The following PCDHA6 variants were observed in gnomAD, a reference collection of about 807,000 sequenced individuals.
The protein encoded by PCDHA6 is protocadherin alpha 6, also known as protocadherin alpha-6.
PCDHA6 carries 55 observed loss-of-function variants against 60.3 expected under a neutral mutation model. That is an observed-to-expected ratio of 0.91 (90% confidence interval 0.73 to 1.14). The LOEUF is 1.14. Among genes scored for constraint, PCDHA6 ranks in the 50% most tolerant of loss-of-function variants. The pLI, the probability that PCDHA6 is intolerant of heterozygous loss-of-function variation, is 0.00. For synonymous variants in PCDHA6, 652 were observed against 557.9 expected, an observed-to-expected ratio of 1.17 and a Z score of -2.38; for missense variants, 1,327 against 1,256.5, an observed-to-expected ratio of 1.06 and a Z score of -0.85.
intron 1 of PCDHA6, among the ~76,000 whole-genome samples, chr5:140,941,977 A>G (rs1247578104): frequency 6.6e-6 from 1 of 152,154 alleles, no homozygotes; most frequent in Admixed American, 6.5e-5. Context: ...CTTTCCCTAA[A>G]CCTTGATAAG....
chr5:140,883,905 G>A (rs781818160), intron 1 of PCDHA6: 2 of 1,613,458 alleles, frequency 1.2e-6, no homozygotes, highest in Non-Finnish European at 1.7e-6. Flanking sequence ...CCGCCTCTGG[G>A]CAGCAACGTG....
At chr5:140,842,603 C>CG in intron 1 of PCDHA6, 2 of 1,548,222 alleles carry the variant, frequency 1.3e-6, no homozygotes, top group Non-Finnish European at 1.8e-6. Flanking sequence ...GGTAACCGCG[C>CG]GGGACGGGGG....
chr5:141,000,379 CTCTCTCTCTCTCTCTCTA>C (rs1224441934), intron 3 of PCDHA6, among the ~76,000 whole-genome samples: 4 of 60,364 alleles, frequency 6.6e-5, no homozygotes, highest in Non-Finnish European at 9.2e-5. Flanking sequence ...CTCTCTCTCT[CTCTCTCTCTCTCTCTCTA>C]TATATATATA....
chr5:140,972,832 T>G (rs1209140344), intron 1 of PCDHA6, among the ~76,000 whole-genome samples: 9 of 151,882 alleles, frequency 5.9e-5, no homozygotes. Flanking sequence ...CCTGGCTAAT[T>G]TTTGTATTTT....
At position 140,856,397 on chromosome 5, in the gene PCDHA6, C is replaced by T. The variant is rs782776522; in HGVS notation, c.2394+25912C>T. On this transcript the variant is annotated intron_variant, in intron 1 of 3. Coordinates refer to ENST00000529310, the MANE Select transcript of PCDHA6 (RefSeq NM_018909.4). ...CGTGGACAGGCCGCTGCAGGTTTTC[C>T]ATGTGGACGTGGAAGTGAAGGACAT... 3.6e-5 allele frequency: 58 copies of T among 1,598,382 alleles called. 7 individuals carry two copies. In the Admixed American group the frequency reaches 4.9e-4, roughly 13 times the overall value.
chr5:140,933,314 G>A (rs925777839), intron 1 of PCDHA6, among the ~76,000 whole-genome samples: 2 of 151,914 alleles, frequency 1.3e-5, no homozygotes, highest in Non-Finnish European at 2.9e-5. Flanking sequence ...ATGCAATCTC[G>A]TATTCTCCTG....
intron 1 of PCDHA6, among the ~76,000 whole-genome samples, chr5:140,898,748 G>A (rs1397892217): frequency 1.1e-4 from 16 of 152,222 alleles, no homozygotes; most frequent in African/African-American, 3.9e-4. Context: ...TAGCTTGATG[G>A]GGATGGCATT....
chr5:140,834,530 G>C, intron 1 of PCDHA6: 1 of 1,614,068 alleles, frequency 6.2e-7, no homozygotes, highest in East Asian at 2.2e-5. Context: ...GCCGCATCGC[G>C]CAGGACCTGG....
chr5:141,002,923 C>T (rs1261794185), intron 3 of PCDHA6, among the ~76,000 whole-genome samples: 6 of 152,220 alleles, frequency 3.9e-5, no homozygotes, highest in African/African-American at 1.2e-4. Flanking sequence ...AAAGTGAACA[C>T]CCTCCAACAC....
chr5:140,967,107 G>A (rs782199698), intron 1 of PCDHA6: 12 of 1,612,876 alleles, frequency 7.4e-6, no homozygotes, highest in Non-Finnish European at 9.3e-6. Context: ...TGTGAGCAGC[G>A]GCCTCGCTGC....
chr5:141,005,308 TA>T (rs1345689314), intron 3 of PCDHA6, among the ~76,000 whole-genome samples: 4 of 152,214 alleles, frequency 2.6e-5, no homozygotes, highest in Non-Finnish European at 4.4e-5. Context: ...TTGTGAATCT[TA>T]CAGTGGTAGA....
In PCDHA6 at chr5:140,829,406, G is replaced by A; in HGVS notation, c.1315G>A (p.Ala439Thr). 1.2e-6 allele frequency: 2 copies of A among 1,614,116 alleles called. No individual in the cohort carries two copies. Among genetic ancestry groups the A allele is most frequent in the South Asian group, 1.1e-5 (1 of 91,082 alleles). Residue 439 changes from alanine (A) to threonine (T), a missense_variant, in exon 1 of 4, where the codon GCC becomes ACC. Transcript: ENST00000529310. ...DGGSPSLWATASLSVEVADMN... is the reference protein window; with the variant it reads ...DGGSPSLWATTSLSVEVADMN... ...GGGCTCGCCTTCGCTGTGGGCCACC[G>A]CCAGCTTGTCTGTGGAGGTGGCCGA...
chr5:140,868,879 C>T (rs1247053599), intron 1 of PCDHA6: 1 of 693,900 alleles, frequency 1.4e-6, no homozygotes, highest in Non-Finnish European at 2.3e-6. Context: ...ACAGTACTCA[C>T]AGTTTTAGGC....
Position 140,829,129 on chromosome 5 carries a change from C to G in PCDHA6, c.1038C>G (p.Asn346Lys). 1 of 1,612,248 alleles carries G rather than the reference C, an allele frequency of 6.2e-7. No homozygotes were observed. Among genetic ancestry groups the G allele is most frequent in the Admixed American group, 1.7e-5 (1 of 59,996 alleles). ...VLVRILDKND[N>K]VPEIALTSLS... ...TGAGAATTTTGGATAAAAATGATAA[C>G]GTCCCTGAGATAGCACTGACTTCCT... is the stretch of plus-strand genomic sequence containing the variant. The change falls in exon 1 of 4, where the codon AAC becomes AAG. Residue 346 changes from asparagine to lysine, a missense_variant. By Grantham distance (94) the Asn-to-Lys change is moderately conservative. Coordinates refer to ENST00000529310, the MANE Select transcript of PCDHA6 (RefSeq NM_018909.4).
chr5:140,897,540 A>C (rs1554187435), intron 1 of PCDHA6, among the ~76,000 whole-genome samples: 1 of 152,052 alleles, frequency 6.6e-6, no homozygotes, highest in Non-Finnish European at 1.5e-5. Flanking sequence ...ATGGCTGCAT[A>C]GTCTTCCATG....
intron 1 of PCDHA6, chr5:140,849,857 G>T (rs2150454251): frequency 1.9e-6 from 3 of 1,598,510 alleles, no homozygotes; most frequent in African/African-American, 2.7e-5. Context: ...ACGCACCAGC[G>T]TTCGCGCAGT....
At chr5:140,886,899 A>G (rs1054848231) in intron 1 of PCDHA6, among the ~76,000 whole-genome samples, 1 of 152,020 alleles carries the variant, frequency 6.6e-6, no homozygotes, top group Admixed American at 6.6e-5. Flanking sequence ...AATGCATTTA[A>G]TAAATACTTA....
chr5:140,986,467 T>G (rs190246289), intron 3 of PCDHA6, among the ~76,000 whole-genome samples: 4 of 152,196 alleles, frequency 2.6e-5, no homozygotes, highest in Non-Finnish European at 5.9e-5. Context: ...AATGCCCTCT[T>G]GTGATCAGTT....
At position 140,961,643 on chromosome 5, in the gene PCDHA6, A is replaced by G. The variant is rs533824470; in HGVS notation, c.2395-17306A>G. Reference sequence around the variant, plus strand: ...CCATATGAAAAACAATCTTAAGTCTATGTGGTTAGTTTGAAGTTACCAGTT... The same window carrying G: ...CCATATGAAAAACAATCTTAAGTCTGTGTGGTTAGTTTGAAGTTACCAGTT... On this transcript the variant is annotated intron_variant, in intron 1 of 3. Coordinates refer to ENST00000529310, the MANE Select transcript of PCDHA6 (RefSeq NM_018909.4). Among the ~76,000 whole-genome samples the G allele has an allele frequency of 7.2e-5, 11 of 152,324 alleles. No homozygotes were observed. The East Asian group carries it at 1.9e-3, about 27-fold the overall frequency.
Sources: gnomAD v4.1 joint callset for allele counts (sites outside exome capture counted in the v4.1 genomes callset) on GRCh38, gnomAD v4.1.1 for gene constraint, MANE v1.5 for transcripts, NCBI Gene and HGNC (gene_info 2026-07-23, HGNC 2026-07-21) for gene names.